The following DLGAP2 variants were observed in gnomAD, a reference collection of about 807,000 sequenced individuals.
The protein encoded by DLGAP2 is disks large-associated protein 2.
Under a neutral mutation model 100.3 loss-of-function variants are expected in DLGAP2, and 26 were observed. That is an observed-to-expected ratio of 0.26 (90% CI 0.19 to 0.36). The LOEUF is 0.36. Ranked by LOEUF, DLGAP2 falls within the 10% of genes least tolerant of loss-of-function variation. DLGAP2 has a pLI of 1.00. For synonymous variants in DLGAP2, 886 were observed against 630.1 expected, an observed-to-expected ratio of 1.41 and a Z score of -6.08; for missense variants, 1,858 against 1,453.2, an observed-to-expected ratio of 1.28 and a Z score of -4.53.
At chr8:1,696,439 G>A (rs1799399818) in intron 13 of DLGAP2, among the ~76,000 whole-genome samples, 1 of 152,178 alleles carries the variant, frequency 6.6e-6, no homozygotes, top group Non-Finnish European at 1.5e-5. Flanking sequence ...GGTAGAGGCT[G>A]CAGTGAGCCA....
intron 3 of DLGAP2, among the ~76,000 whole-genome samples, chr8:1,287,283 GTT>G (rs1799946801): frequency 1.4e-4 from 1 of 7,048 alleles, no homozygotes; most frequent in African/African-American, 1.7e-3. Flanking sequence ...TGTGTGTGTG[GTT>G]GTTAGGAGGG....
chr8:1,607,805 C>T (rs1367836827), intron 6 of DLGAP2, among the ~76,000 whole-genome samples: 1 of 151,898 alleles, frequency 6.6e-6, no homozygotes, highest in Non-Finnish European at 1.5e-5. Context: ...TCGGGTCACT[C>T]CCACCCGAAT....
chr8:741,345 A>G (rs1210241581), intron 1 of DLGAP2, among the ~76,000 whole-genome samples: 1 of 152,212 alleles, frequency 6.6e-6, no homozygotes, highest in Non-Finnish European at 1.5e-5. Context: ...CAGCAAAGGC[A>G]GTAGGAGCTC....
chr8:1,607,733 G>A lies in DLGAP2; in HGVS notation c.1443-19007G>A, dbSNP rs12397785. ...CGAGGCATTGCCTCACCTGGGAAGCGCAAGGGGTCAGGGAGTTCCCTTTCT... is the reference window on the plus strand; with the variant it reads ...CGAGGCATTGCCTCACCTGGGAAGCACAAGGGGTCAGGGAGTTCCCTTTCT... On this transcript the variant is annotated intron_variant, in intron 6 of 14. Transcript: ENST00000637795. Among the ~76,000 whole-genome samples, 922 of 152,182 alleles carry A rather than the reference G, an allele frequency of 6.1e-3. 2 individuals carry two copies. Among genetic ancestry groups the A allele is most frequent in the African/African-American group, 0.02 (848 of 41,522 alleles).
chr8:845,446 G>A lies in DLGAP2; in HGVS notation c.19-62466G>A, dbSNP rs115815385. Among the ~76,000 whole-genome samples, 857 of 152,264 alleles carry A rather than the reference G, an allele frequency of 5.6e-3. 6 individuals carry two copies. The highest frequency in any genetic ancestry group is 0.019 in the African/African-American group (804 of 41,548). On this transcript the variant is annotated intron_variant, in intron 1 of 14. Transcript: ENST00000637795. ...TGAACATCTTTCCATGTGCTTGTTG[G>A]CTGTTTGTATATCTCCTTTGGGAGA... is the stretch of plus-strand genomic sequence containing the variant.
At chr8:1,511,898 T>G (rs1800176698) in intron 4 of DLGAP2, among the ~76,000 whole-genome samples, 1 of 152,242 alleles carries the variant, frequency 6.6e-6, no homozygotes, top group Admixed American at 6.5e-5. Flanking sequence ...AAGAGAAACA[T>G]TAGGCTCCAA....
chr8:1,444,623 C>A (rs926886230), intron 3 of DLGAP2, among the ~76,000 whole-genome samples: 1 of 152,094 alleles, frequency 6.6e-6, no homozygotes, highest in African/African-American at 2.4e-5. Context: ...CTCCATCATC[C>A]CTCCTTCAGG....
chr8:1,657,348 G>T (rs752811750), intron 8 of DLGAP2, among the ~76,000 whole-genome samples: 15 of 152,202 alleles, frequency 9.9e-5, no homozygotes, highest in Admixed American at 2.0e-4. Flanking sequence ...AGATAACACA[G>T]CCTATAGCTC....
intron 8 of DLGAP2, among the ~76,000 whole-genome samples, chr8:1,651,917 C>T (rs1798174772): frequency 6.6e-6 from 1 of 152,194 alleles, no homozygotes; most frequent in Admixed American, 6.5e-5. Flanking sequence ...CGCCAGCCAG[C>T]CTTTGCATGA....
At chr8:1,073,060 C>T (rs1429334225) in intron 2 of DLGAP2, among the ~76,000 whole-genome samples, 1 of 152,170 alleles carries the variant, frequency 6.6e-6, no homozygotes. Context: ...ATTATAGCAC[C>T]GTGCTTTACC....
intron 2 of DLGAP2, among the ~76,000 whole-genome samples, chr8:1,244,740 A>C (rs1798868735): frequency 6.6e-6 from 1 of 152,248 alleles, no homozygotes; most frequent in African/African-American, 2.4e-5. Flanking sequence ...TGACACCCAA[A>C]GCGCAAAGCA....
intron 2 of DLGAP2, among the ~76,000 whole-genome samples, chr8:950,167 G>T (rs568502338): frequency 3.9e-5 from 6 of 152,124 alleles, no homozygotes; most frequent in Non-Finnish European, 8.8e-5. Context: ...AGTGACTCGG[G>T]GCTGGGTTTT....
rs1211898083 is a variant in DLGAP2, at chr8:1,283,124, C to A, written c.106+24241C>A. Among the ~76,000 whole-genome samples, 5 of 149,938 alleles carry A rather than the reference C, an allele frequency of 3.3e-5. No individual in the cohort carries two copies. The South Asian group carries it at 1.1e-3, about 32-fold the overall frequency. ...AACCCAGCGCCCTGAACCATCCGGA[C>A]ATGGTGTGACCTGAACCCAGCACGT... is the stretch of plus-strand genomic sequence containing the variant. On this transcript the variant is annotated intron_variant, in intron 3 of 14. Transcript: ENST00000637795.
At chr8:1,220,930 T>C (rs1460854933) in intron 2 of DLGAP2, among the ~76,000 whole-genome samples, 1 of 152,214 alleles carries the variant, frequency 6.6e-6, no homozygotes, top group Non-Finnish European at 1.5e-5. Flanking sequence ...CTCTTCCTCT[T>C]GTTTGTTTTC....
At chr8:838,068 T>G (rs1007511793) in intron 1 of DLGAP2, among the ~76,000 whole-genome samples, 1 of 152,034 alleles carries the variant, frequency 6.6e-6, no homozygotes, top group Admixed American at 6.5e-5. Context: ...AAATGTTAAA[T>G]TAGCTACTCT....
At chr8:887,021 C>G (rs1301251493) in intron 1 of DLGAP2, among the ~76,000 whole-genome samples, 1 of 152,160 alleles carries the variant, frequency 6.6e-6, no homozygotes, top group Admixed American at 6.5e-5. Context: ...TTGTAGGTCT[C>G]TAAGAACTTG....
intron 3 of DLGAP2, among the ~76,000 whole-genome samples, chr8:1,466,776 G>C (rs1311826957): frequency 6.6e-6 from 1 of 152,168 alleles, no homozygotes; most frequent in African/African-American, 2.4e-5. Flanking sequence ...GTGTGATGTG[G>C]TTGGTGAGAC....
chr8:1,680,537 A>G (rs1434309841), intron 12 of DLGAP2: 2 of 152,208 alleles, frequency 1.3e-5, no homozygotes, highest in East Asian at 1.9e-4. Flanking sequence ...AATCCCACCT[A>G]TTCTTTACAG....
At chr8:894,986 A>G (rs1584870287) in intron 1 of DLGAP2, among the ~76,000 whole-genome samples, 6 of 94,628 alleles carry the variant, frequency 6.3e-5, no homozygotes, top group South Asian at 4.1e-4. Context: ...GTGGCATGGG[A>G]AGAGCAGAGT....
Sources: allele counts gnomAD v4.1 joint callset (sites outside exome capture counted in the v4.1 genomes callset), GRCh38; gene constraint gnomAD v4.1.1; transcripts MANE v1.5; gene names NCBI Gene and HGNC (gene_info 2026-07-23, HGNC 2026-07-21).